Variants in ESR2 observed in about 807,000 individuals in gnomAD.
ESR2 encodes estrogen receptor beta.
A neutral mutation model predicts 49.6 loss-of-function variants in ESR2; 36 were observed. That is an observed-to-expected ratio of 0.73 (90% CI 0.56 to 0.96). The LOEUF is 0.96. ESR2 is among the 40% of genes least tolerant of loss of function. The pLI is 0.00. For missense variants in ESR2, 714 were observed against 693.0 expected (o/e 1.03, Z -0.34); for synonymous variants, 320 against 266.1 (o/e 1.20, Z -1.97).
At chr14:64,278,258 G>A (rs1252655197) in intron 3 of ESR2, among the ~76,000 whole-genome samples, 2 of 152,236 alleles carry the variant, frequency 1.3e-5, no homozygotes, top group Non-Finnish European at 1.5e-5. Context: ...ATCCCTATGA[G>A]TATCTCCATT....
intron 3 of ESR2, among the ~76,000 whole-genome samples, chr14:64,277,529 G>A (rs997016519): frequency 1.3e-5 from 2 of 150,746 alleles, no homozygotes; most frequent in Non-Finnish European, 2.9e-5. Context: ...GGAGTCTGAG[G>A]CAGGAGAATG....
At chr14:64,288,406 T>A (rs982438489) in intron 1 of ESR2, among the ~76,000 whole-genome samples, 12 of 149,686 alleles carry the variant, frequency 8.0e-5, no homozygotes, top group Non-Finnish European at 5.9e-5. Flanking sequence ...TGGAGTGCAG[T>A]GGTGCAATCT....
intron 7 of ESR2, among the ~76,000 whole-genome samples, chr14:64,248,148 C>T (rs531978048): frequency 2.0e-5 from 3 of 152,042 alleles, no homozygotes; most frequent in South Asian, 2.1e-4. Flanking sequence ...AAACCATGAT[C>T]GTGCCACTGC....
chr14:64,302,160 T>A (rs943559888), intron 1 of ESR2, among the ~76,000 whole-genome samples: 1 of 138,164 alleles, frequency 7.2e-6, no homozygotes, highest in Non-Finnish European at 1.5e-5. Context: ...TATTTTTTAT[T>A]TTTATTTATT....
intron 1 of ESR2, among the ~76,000 whole-genome samples, chr14:64,289,742 G>T (rs1274615101): frequency 6.6e-6 from 1 of 152,106 alleles, no homozygotes; most frequent in African/African-American, 2.4e-5. Context: ...CCCTAGTCCA[G>T]ATAGCTGGGC....
intron 1 of ESR2, among the ~76,000 whole-genome samples, chr14:64,333,290 G>A (rs937862741): frequency 3.9e-5 from 6 of 151,918 alleles, no homozygotes; most frequent in South Asian, 2.1e-4. Context: ...TTTATAATTC[G>A]TTCCGTTAAG....
chr14:64,245,235 AAAG>A (rs1396242570), intron 7 of ESR2, among the ~76,000 whole-genome samples: 3 of 152,210 alleles, frequency 2.0e-5, no homozygotes, highest in Non-Finnish European at 4.4e-5. Flanking sequence ...AACTTCCTTA[AAAG>A]AAGATCTCTG....
At chr14:64,315,900 G>A (rs575625722) in intron 1 of ESR2, among the ~76,000 whole-genome samples, 4 of 152,166 alleles carry the variant, frequency 2.6e-5, no homozygotes, top group African/African-American at 9.6e-5. Flanking sequence ...TGATCCACCC[G>A]CCTCAGCCTC....
At chr14:64,308,777 G>A (rs1247243592) in intron 1 of ESR2, among the ~76,000 whole-genome samples, 1 of 151,722 alleles carries the variant, frequency 6.6e-6, no homozygotes, top group Non-Finnish European at 1.5e-5. Flanking sequence ...TTGAACAGAT[G>A]TAAATTTATT....
At chr14:64,318,537 C>CA (rs58597271) in intron 1 of ESR2, among the ~76,000 whole-genome samples, 3,298 of 32,368 alleles carry the variant, frequency 0.1, 405 homozygotes, top group South Asian at 0.12. Flanking sequence ...AACTCCATCT[C>CA]AAAAAAAAAA....
chr14:64,291,674 C>CTT (rs1335722914), intron 1 of ESR2, among the ~76,000 whole-genome samples: 1 of 152,162 alleles, frequency 6.6e-6, no homozygotes, highest in Non-Finnish European at 1.5e-5. Context: ...AAAATCTAGA[C>CTT]TTCAAGACAT....
At position 64,260,533 on chromosome 14, in the gene ESR2, T is replaced by A; in HGVS notation, c.868A>T (p.Thr290Ser). 1 of 1,566,592 alleles carries A rather than the reference T, an allele frequency of 6.4e-7. No individual in the cohort carries two copies. The highest frequency in any genetic ancestry group is 8.7e-7 in the Non-Finnish European group (1 of 1,155,582). ...VLISRPSAPFTEASMMMSLTK... is the reference protein window; with the variant it reads ...VLISRPSAPFSEASMMMSLTK... ...AGGGACATCATCATGGAGGCCTCGGTGAAGGGCGCACTGGGGCGGCTGATC... is the reference window on the plus strand; with the variant it reads ...AGGGACATCATCATGGAGGCCTCGGAGAAGGGCGCACTGGGGCGGCTGATC... The change falls in exon 5 of 9, where the codon ACC (threonine) becomes TCC (serine). Residue 290 changes from threonine to serine, a missense_variant. Physicochemically the swap from Thr to Ser is moderately conservative, Grantham distance 58. Transcript: ENST00000341099.
At chr14:64,323,096 T>C (rs187479361) in intron 1 of ESR2, among the ~76,000 whole-genome samples, 26 of 152,362 alleles carry the variant, frequency 1.7e-4, no homozygotes, top group Admixed American at 2.6e-4. Flanking sequence ...TTTCCATAAC[T>C]ATGGGAATGG....
At chr14:64,289,878 C>T (rs914937946) in intron 1 of ESR2, among the ~76,000 whole-genome samples, 3 of 152,198 alleles carry the variant, frequency 2.0e-5, no homozygotes, top group Non-Finnish European at 4.4e-5. Context: ...GTCCTCATCC[C>T]TATTCTTCTT....
At chr14:64,269,485 T>G in intron 3 of ESR2, among the ~76,000 whole-genome samples, 1 of 152,154 alleles carries the variant, frequency 6.6e-6, no homozygotes, top group East Asian at 1.9e-4. Context: ...TGTACTAGAG[T>G]GCGCAGAGAG....
chr14:64,253,843 G>A (rs2076043730), intron 6 of ESR2, among the ~76,000 whole-genome samples: 1 of 152,042 alleles, frequency 6.6e-6, no homozygotes, highest in Non-Finnish European at 1.5e-5. Flanking sequence ...TGTCCACAAT[G>A]GGATCCAAGC....
exon 1 of ESR2, chr14:64,337,963 T>C (rs934822940): frequency 2.6e-5 from 4 of 152,826 alleles, no homozygotes; most frequent in Non-Finnish European, 5.9e-5. Context: ...AGCACATTCA[T>C]CGGACTCAGT....
chr14:64,318,458 A>T (rs2077284036), intron 1 of ESR2, among the ~76,000 whole-genome samples: 2 of 142,110 alleles, frequency 1.4e-5, no homozygotes, highest in East Asian at 2.1e-4. Flanking sequence ...CATCCTTTGA[A>T]TCTGGGATGC....
In ESR2 at chr14:64,294,236, G is replaced by T. The variant is rs1436285808; in HGVS notation, c.-294C>A. 6.6e-6 allele frequency: 1 copy of T among 152,202 alleles called. No homozygotes were observed. The highest frequency in any genetic ancestry group is 1.5e-5 in the Non-Finnish European group (1 of 68,102). 9.4% of individuals were successfully genotyped at this position (152,202 alleles called of 1,614,324 possible). On this transcript the variant is annotated 5_prime_UTR_variant, in exon 1 of 9. Coordinates refer to ENST00000341099, the MANE Select transcript of ESR2 (RefSeq NM_001437.3). Reference sequence around the variant, plus strand: ...TCGGGTGGTCCCTCCCCGGCCCAGCGCTCGCCGCCTGCTCTTCGCCCTGCA... The same window carrying T: ...TCGGGTGGTCCCTCCCCGGCCCAGCTCTCGCCGCCTGCTCTTCGCCCTGCA...
Sources: allele counts gnomAD v4.1 joint callset (sites outside exome capture counted in the v4.1 genomes callset), GRCh38; gene constraint gnomAD v4.1.1; transcripts MANE v1.5; gene names NCBI Gene and HGNC (gene_info 2026-07-23, HGNC 2026-07-21).